Variants in IL1RAPL1 observed in about 807,000 individuals in gnomAD.
IL1RAPL1 encodes the protein interleukin 1 receptor accessory protein like 1, also known as interleukin-1 receptor accessory protein-like 1.
IL1RAPL1 carries 3 observed loss-of-function variants against 48.4 expected under a neutral mutation model. The observed-to-expected ratio is 0.06, with a 90% CI of 0.03 to 0.16. IL1RAPL1 has a LOEUF of 0.16. Among genes scored for constraint, IL1RAPL1 ranks in the 10% least tolerant of loss-of-function variants. The pLI is 1.00. For missense variants in IL1RAPL1, 349 were observed against 530.6 expected (o/e 0.66, Z 3.36); for synonymous variants, 185 against 187.7 (o/e 0.99, Z 0.12).
intron 2 of IL1RAPL1, among the ~76,000 whole-genome samples, chrX:29,148,891 C>T (rs225052): frequency 0.015 from 1,632 of 110,405 alleles, 37 homozygotes; most frequent in African/African-American, 0.051. Context: ...CAGATAATAC[C>T]AGCCTCTTTT....
Position 28,711,796 on chromosome X carries a change from TAATA to T in IL1RAPL1, c.-24-77520_-24-77517del, listed in dbSNP as rs1051611517. Among the ~76,000 whole-genome samples, 13 of 108,178 alleles carry T rather than the reference TAATA, an allele frequency of 1.2e-4. No individual in the cohort carries two copies. The East Asian group carries it at 1.4e-3, about 12-fold the overall frequency. 93.9% of individuals were successfully genotyped at this position (108,178 alleles called of 115,157 possible). On this transcript the variant is annotated intron_variant, in intron 1 of 10. Coordinates refer to ENST00000378993, the MANE Select transcript of IL1RAPL1 (RefSeq NM_014271.4). Reference sequence around the variant, plus strand: ...TAAATGTATATAAAATAGAATTTTATAATAAATGTATAATGGTTCTGGAATTTAA... The same window carrying T: ...TAAATGTATATAAAATAGAATTTTATAATGTATAATGGTTCTGGAATTTAA...
chrX:29,858,961 A>G (rs1931527242), intron 6 of IL1RAPL1, among the ~76,000 whole-genome samples: 1 of 111,071 alleles, frequency 9.0e-6, no homozygotes, highest in Admixed American at 9.6e-5. Flanking sequence ...AGCATTGGGC[A>G]CTGTGAGTCA....
At chrX:28,999,845 T>C (rs1458638504) in intron 2 of IL1RAPL1, among the ~76,000 whole-genome samples, 1 of 111,983 alleles carries the variant, frequency 8.9e-6, no homozygotes, top group African/African-American at 3.2e-5. Flanking sequence ...GTTATCTATA[T>C]AGTCAGTATT....
rs1238348693 is a variant in IL1RAPL1, at chrX:29,396,310, G to A, written c.415G>A (p.Asp139Asn). Residue 139 changes from aspartate to asparagine, a missense_variant, in exon 4 of 11, where the codon GAC becomes AAC. By Grantham distance (23) the Asp-to-Asn change is conservative. This residue lies in a region of IL1RAPL1 where 238 missense variants were observed against 337.8 expected (regional missense o/e 0.70). Coordinates refer to ENST00000378993, the MANE Select transcript of IL1RAPL1 (RefSeq NM_014271.4). ...VSISLTVGENDTGLCYNSKMK... is the reference protein window; with the variant it reads ...VSISLTVGENNTGLCYNSKMK... ...CATCTCACTGACAGTGGGTGAAAAT[G>A]ACACTGGACTCTGCTATAATTCCAA... The A allele has an allele frequency of 2.5e-6, 3 of 1,206,965 alleles. No homozygotes were observed. The highest frequency in any genetic ancestry group is 4.3e-5 in the Admixed American group (2 of 46,021).
At chrX:29,728,290 C>T (rs779341863) in intron 6 of IL1RAPL1, among the ~76,000 whole-genome samples, 3 of 111,336 alleles carry the variant, frequency 2.7e-5, no homozygotes, top group Admixed American at 9.5e-5. Flanking sequence ...AAAATAGCTC[C>T]GAGATACCAG....
intron 2 of IL1RAPL1, among the ~76,000 whole-genome samples, chrX:29,183,797 G>A (rs1251208006): frequency 3.6e-5 from 4 of 112,114 alleles, no homozygotes; most frequent in African/African-American, 9.7e-5. Flanking sequence ...GGGTTCAAGC[G>A]ATTCTCCTGC....
At chrX:29,472,843 T>C (rs147580620) in intron 5 of IL1RAPL1, among the ~76,000 whole-genome samples, 1 of 112,132 alleles carries the variant, frequency 8.9e-6, no homozygotes, top group African/African-American at 3.2e-5. Flanking sequence ...CTAAATACTT[T>C]AAATGTTCAC....
At chrX:29,051,979 T>C (rs1011243903) in intron 2 of IL1RAPL1, among the ~76,000 whole-genome samples, 1 of 111,962 alleles carries the variant, frequency 8.9e-6, no homozygotes, top group African/African-American at 3.3e-5. Context: ...AAAAAGGTGA[T>C]ATTGTGATTC....
rs182294399 is a variant in IL1RAPL1, at chrX:28,882,650, C to T, written c.82+93225C>T. Among the ~76,000 whole-genome samples, 86 of 110,750 alleles carry T rather than the reference C, an allele frequency of 7.8e-4. No homozygotes were observed. In the Middle Eastern group the frequency reaches 0.014, roughly 18 times the overall value. ...AAGAGTGAAACTCCAGCTGAGCCCC[C>T]GCCACTGCAAAAAAAAGGAGAAATT... On this transcript the variant is annotated intron_variant, in intron 2 of 10. Transcript: ENST00000378993.
At chrX:29,650,545 A>G (rs1266862159) in intron 5 of IL1RAPL1, among the ~76,000 whole-genome samples, 1 of 111,353 alleles carries the variant, frequency 9.0e-6, no homozygotes, top group Non-Finnish European at 1.9e-5. Flanking sequence ...CTCTTCAATA[A>G]ATGGTTTTGG....
At chrX:29,146,847 G>C (rs1191205839) in intron 2 of IL1RAPL1, among the ~76,000 whole-genome samples, 1 of 112,263 alleles carries the variant, frequency 8.9e-6, no homozygotes, top group East Asian at 2.8e-4. Flanking sequence ...CTTAAATTCT[G>C]CCAGCTCTGG....
At chrX:29,899,026 T>C (rs1360409408) in intron 6 of IL1RAPL1, among the ~76,000 whole-genome samples, 4 of 111,840 alleles carry the variant, frequency 3.6e-5, no homozygotes, top group Non-Finnish European at 7.5e-5. Flanking sequence ...CAGTGCCTTA[T>C]AATCCTTGCA....
intron 3 of IL1RAPL1, among the ~76,000 whole-genome samples, chrX:29,310,569 A>G (rs942777797): frequency 9.0e-6 from 1 of 111,670 alleles, no homozygotes; most frequent in African/African-American, 3.3e-5. Context: ...AAGTATGACA[A>G]TGTTAAGTAT....
intron 2 of IL1RAPL1, among the ~76,000 whole-genome samples, chrX:29,023,043 T>C (rs1926407309): frequency 8.9e-6 from 1 of 112,168 alleles, no homozygotes; most frequent in Non-Finnish European, 1.9e-5. Flanking sequence ...TTACAGCTGA[T>C]GTAAGCTTTT....
chrX:29,535,057 C>T (rs1394020684), intron 5 of IL1RAPL1, among the ~76,000 whole-genome samples: 3 of 97,273 alleles, frequency 3.1e-5, no homozygotes, highest in African/African-American at 1.2e-4. Flanking sequence ...TGGCTTGGGC[C>T]CAGGAGGTGG....
chrX:29,111,008 A>T (rs939368164), intron 2 of IL1RAPL1, among the ~76,000 whole-genome samples: 1 of 111,696 alleles, frequency 9.0e-6, no homozygotes, highest in Non-Finnish European at 1.9e-5. Context: ...TTTGAAAAAA[A>T]AGGTATTTTG....
intron 2 of IL1RAPL1, among the ~76,000 whole-genome samples, chrX:29,223,021 C>T (rs1394499703): frequency 9.0e-6 from 1 of 110,967 alleles, no homozygotes; most frequent in Non-Finnish European, 1.9e-5. Flanking sequence ...CACTCTCCAC[C>T]AAAATTTGTT....
At chrX:28,953,620 G>C (rs748631744) in intron 2 of IL1RAPL1, among the ~76,000 whole-genome samples, 1 of 111,418 alleles carries the variant, frequency 9.0e-6, no homozygotes. Flanking sequence ...AGCTGTGCCA[G>C]AAGTGAGGCT....
intron 6 of IL1RAPL1, among the ~76,000 whole-genome samples, chrX:29,767,358 T>C (rs1928940014): frequency 8.9e-6 from 1 of 112,303 alleles, no homozygotes; most frequent in Admixed American, 9.5e-5. Context: ...TTTCCATTTG[T>C]ATCTGGCAAG....
Sources: gnomAD v4.1 joint callset for allele counts (sites outside exome capture counted in the v4.1 genomes callset) on GRCh38, gnomAD v4.1.1 for gene constraint, gnomAD v4.1.1 regional missense constraint, MANE v1.5 for transcripts, NCBI Gene and HGNC (gene_info 2026-07-23, HGNC 2026-07-21) for gene names.